Variants in FBXO10 observed in about 807,000 individuals in gnomAD.
FBXO10 encodes F-box protein 10.
In FBXO10, 39 loss-of-function variants were observed where a neutral mutation model predicts 80.7. That is an observed-to-expected ratio of 0.48 (90% CI 0.37 to 0.63). The LOEUF is 0.63. Among genes scored for constraint, FBXO10 ranks in the 30% least tolerant of loss-of-function variants. FBXO10 has a pLI of 0.00. For missense variants in FBXO10, 1,025 were observed against 1,269.0 expected, an observed-to-expected ratio of 0.81 and a Z score of 2.92; for synonymous variants, 449 against 489.6, an observed-to-expected ratio of 0.92 and a Z score of 1.09.
At chr9:37,567,310 A>ATT (rs35827022) in intron 1 of FBXO10, among the ~76,000 whole-genome samples, 38 of 136,598 alleles carry the variant, frequency 2.8e-4, no homozygotes, top group Middle Eastern at 3.6e-3. Context: ...ACCCAGCTAA[A>ATT]TTTTTTTTTT....
chr9:37,573,020 C>T (rs1324041608), intron 1 of FBXO10, among the ~76,000 whole-genome samples: 3 of 152,166 alleles, frequency 2.0e-5, no homozygotes, highest in Admixed American at 2.0e-4. Context: ...GACCTGACGA[C>T]CCCTCTTTAC....
At chr9:37,547,603 T>C (rs1822089302) in intron 1 of FBXO10, among the ~76,000 whole-genome samples, 1 of 151,966 alleles carries the variant, frequency 6.6e-6, no homozygotes, top group South Asian at 2.1e-4. Context: ...AGAGCAAGAC[T>C]CTTATCTCAA....
chr9:37,549,077 C>A (rs1223376191), intron 1 of FBXO10, among the ~76,000 whole-genome samples: 1 of 152,136 alleles, frequency 6.6e-6, no homozygotes, highest in African/African-American at 2.4e-5. Context: ...CTGATCTTGT[C>A]AATTGTTGGC....
At chr9:37,551,492 G>A (rs887131081) in intron 1 of FBXO10, among the ~76,000 whole-genome samples, 23 of 152,230 alleles carry the variant, frequency 1.5e-4, no homozygotes, top group African/African-American at 5.3e-4. Flanking sequence ...TTAGCCCCAC[G>A]GGGATAGCAC....
intron 5 of FBXO10, among the ~76,000 whole-genome samples, chr9:37,525,413 G>C (rs1821445855): frequency 6.6e-6 from 1 of 152,094 alleles, no homozygotes; most frequent in Non-Finnish European, 1.5e-5. Flanking sequence ...CCCTTTATAA[G>C]CCAGGCATAT....
chr9:37,527,795 A>ACATACAAAT (rs1399586289), intron 5 of FBXO10, among the ~76,000 whole-genome samples: 1 of 152,242 alleles, frequency 6.6e-6, no homozygotes, highest in African/African-American at 2.4e-5. Context: ...CAGCACACAC[A>ACATACAAAT]CATACAAATA....
chr9:37,542,700 G>A (rs1821956359), intron 1 of FBXO10, among the ~76,000 whole-genome samples: 2 of 151,810 alleles, frequency 1.3e-5, no homozygotes, highest in Admixed American at 1.3e-4. Flanking sequence ...CCTTTAAAAA[G>A]AGGAAGAAAA....
chr9:37,525,257 C>T (rs1821440372), intron 5 of FBXO10, 85 bp from the exon 6 acceptor site: 2 of 1,302,208 alleles, frequency 1.5e-6, no homozygotes, highest in Non-Finnish European at 2.2e-6. Flanking sequence ...TTCATGGAAA[C>T]CCTGTCTCTA....
At position 37,522,831 on chromosome 9, in the gene FBXO10, T is replaced by C; in HGVS notation, c.1924A>G (p.Ile642Val). The change falls in exon 7 of 11, where the codon ATC (isoleucine) becomes GTC (valine). Residue 642 changes from isoleucine to valine, a missense_variant. Physicochemically the swap from Ile to Val is conservative, Grantham distance 29. Coordinates refer to ENST00000432825, the MANE Select transcript of FBXO10 (RefSeq NM_012166.3). ...EGKGLIEGNT[I>V]YANKGCGVWM... is the part of the protein sequence containing the mutation. Reference sequence around the variant, plus strand: ...TTGGGAACAAGCTCCTCACCGTAGATGGTATTTCCTTCTATGAGGCCTTTG... The same window carrying C: ...TTGGGAACAAGCTCCTCACCGTAGACGGTATTTCCTTCTATGAGGCCTTTG... 14 of 1,552,028 alleles carry C rather than the reference T, an allele frequency of 9.0e-6. No homozygotes were observed. The highest frequency in any genetic ancestry group is 1.2e-5 in the Non-Finnish European group (14 of 1,147,112).
intron 1 of FBXO10, among the ~76,000 whole-genome samples, chr9:37,574,868 C>T (rs1822852527): frequency 6.6e-6 from 1 of 152,186 alleles, no homozygotes; most frequent in Non-Finnish European, 1.5e-5. Flanking sequence ...GCTCTATGTC[C>T]AGATCCTAGT....
chr9:37,527,103 G>A (rs141350797), intron 5 of FBXO10, among the ~76,000 whole-genome samples: 149 of 152,090 alleles, frequency 9.8e-4, no homozygotes, highest in African/African-American at 3.1e-3. Context: ...TGCCCGCCTC[G>A]GCCTCCCAAA....
At chr9:37,528,681 T>G (rs895381528) in intron 5 of FBXO10, among the ~76,000 whole-genome samples, 1 of 152,200 alleles carries the variant, frequency 6.6e-6, no homozygotes, top group African/African-American at 2.4e-5. Context: ...GGACTGCCAC[T>G]GCTGCCTCCC....
chr9:37,565,003 C>T (rs1381024107), intron 1 of FBXO10, among the ~76,000 whole-genome samples: 1 of 152,214 alleles, frequency 6.6e-6, no homozygotes, highest in Non-Finnish European at 1.5e-5. Flanking sequence ...ATAATTCCCA[C>T]AATCCCCATT....
At chr9:37,532,737 G>C (rs900427949) in intron 3 of FBXO10, among the ~76,000 whole-genome samples, 1 of 152,236 alleles carries the variant, frequency 6.6e-6, no homozygotes, top group Non-Finnish European at 1.5e-5. Flanking sequence ...TGATGGGATA[G>C]AAAGGACGCT....
intron 1 of FBXO10, among the ~76,000 whole-genome samples, chr9:37,558,005 T>C (rs1398267992): frequency 2.0e-5 from 3 of 152,256 alleles, no homozygotes; most frequent in Non-Finnish European, 2.9e-5. Flanking sequence ...GCTAAGAGCT[T>C]TGACGTACTT....
intron 1 of FBXO10, among the ~76,000 whole-genome samples, chr9:37,560,280 G>C (rs759938185): frequency 5.9e-5 from 9 of 152,120 alleles, no homozygotes; most frequent in Non-Finnish European, 8.8e-5. Flanking sequence ...AGGGTGTCTG[G>C]GGGATTTGGG....
At chr9:37,517,956 C>T (rs74691808) in intron 9 of FBXO10, among the ~76,000 whole-genome samples, 169 bp downstream of exon 9, 1 of 150,580 alleles carries the variant, frequency 6.6e-6, no homozygotes, top group Non-Finnish European at 1.5e-5. Flanking sequence ...TCCGTCCCCC[C>T]CTGTGGGAAG....
chr9:37,560,503 T>C (rs1822450505), intron 1 of FBXO10, among the ~76,000 whole-genome samples: 1 of 152,122 alleles, frequency 6.6e-6, no homozygotes, highest in Non-Finnish European at 1.5e-5. Flanking sequence ...AAGCCAACAA[T>C]TGCCCCCTCT....
Position 37,512,370 on chromosome 9 carries a change from C to A in FBXO10, c.*177G>T. 1 of 535,052 alleles carries A rather than the reference C, an allele frequency of 1.9e-6. No homozygotes were observed. Among genetic ancestry groups the A allele is most frequent in the Non-Finnish European group, 3.2e-6 (1 of 317,094 alleles). 33.1% of individuals were successfully genotyped at this position (535,052 alleles called of 1,614,324 possible). ...TCCCTTCTCCCTGAAAAACATTGCC[C>A]ACTTTCTTCTTGCTATGGGCTGTGG... On this transcript the variant is annotated 3_prime_UTR_variant, in exon 11 of 11. Coordinates refer to ENST00000432825, the MANE Select transcript of FBXO10 (RefSeq NM_012166.3).
Sources: allele counts gnomAD v4.1 joint callset (sites outside exome capture counted in the v4.1 genomes callset), GRCh38; gene constraint gnomAD v4.1.1; transcripts MANE v1.5; gene names NCBI Gene and HGNC (gene_info 2026-07-23, HGNC 2026-07-21).